RSPO2: variants seen among roughly 807,000 people sequenced by gnomAD.
RSPO2 encodes R-spondin-2.
RSPO2 carries 14 observed loss-of-function variants against 30.9 expected under a neutral mutation model. The observed-to-expected ratio is 0.45, with a 90% CI of 0.30 to 0.71. The LOEUF (loss-of-function observed/expected upper bound fraction) is 0.71, where lower values mean the gene tolerates loss of function less well. RSPO2 is among the 30% of genes least tolerant of loss of function. The pLI is 0.08. For missense variants in RSPO2, 264 were observed against 301.9 expected, an observed-to-expected ratio of 0.87 and a Z score of 0.93; for synonymous variants, 107 against 96.4, an observed-to-expected ratio of 1.11 and a Z score of -0.64.
intron 2 of RSPO2, among the ~76,000 whole-genome samples, chr8:108,028,397 C>T (rs1271957133): frequency 6.6e-6 from 1 of 152,140 alleles, no homozygotes; most frequent in African/African-American, 2.4e-5. Flanking sequence ...TTATTCTCTC[C>T]CTTCTACTGC....
chr8:108,059,268 CCAT>C (rs1812368338), intron 2 of RSPO2, among the ~76,000 whole-genome samples: 1 of 151,760 alleles, frequency 6.6e-6, no homozygotes, highest in African/African-American at 2.4e-5. Flanking sequence ...CCATCACTGG[CCAT>C]CAGAGAAATG....
chr8:108,032,812 TA>T (rs911685348), intron 2 of RSPO2, among the ~76,000 whole-genome samples: 18 of 151,654 alleles, frequency 1.2e-4, no homozygotes, highest in Non-Finnish European at 2.4e-4. Flanking sequence ...AAAAATTTTT[TA>T]CTTTGGGAGG....
Position 107,992,530 on chromosome 8 carries a change from C to T in RSPO2, c.95-3286G>A, listed in dbSNP as rs144351798. Among the ~76,000 whole-genome samples, 63 of 152,138 alleles carry T rather than the reference C, an allele frequency of 4.1e-4. 1 individual carries two copies. The East Asian group carries it at 0.012, about 28-fold the overall frequency. ...GACACAAGTTTACCTATGTAACAAA[C>T]CTGCACTTGTACCCGTGAACTTAAA... On this transcript the variant is annotated intron_variant, in intron 2 of 5. Coordinates refer to ENST00000276659, the MANE Select transcript of RSPO2 (RefSeq NM_178565.5).
At chr8:108,043,659 T>C (rs1007085343) in intron 2 of RSPO2, among the ~76,000 whole-genome samples, 1 of 151,976 alleles carries the variant, frequency 6.6e-6, no homozygotes, top group African/African-American at 2.4e-5. Context: ...ATTCTCTCAT[T>C]CCATGTTTAA....
At chr8:108,064,350 A>C (rs902937740) in intron 2 of RSPO2, among the ~76,000 whole-genome samples, 11 of 152,316 alleles carry the variant, frequency 7.2e-5, no homozygotes, top group African/African-American at 2.6e-4. Flanking sequence ...ACCCCATCCA[A>C]AAGTGGGCAA....
intron 3 of RSPO2, among the ~76,000 whole-genome samples, chr8:107,961,906 G>C (rs1813639527): frequency 6.6e-6 from 1 of 152,180 alleles, no homozygotes; most frequent in South Asian, 2.1e-4. Context: ...TGGTAGGCCA[G>C]AACATCTGGG....
intron 5 of RSPO2, among the ~76,000 whole-genome samples, chr8:107,951,042 A>ATTTTTTT (rs1813223841): frequency 1.8e-5 from 1 of 55,020 alleles, no homozygotes; most frequent in Non-Finnish European, 3.8e-5. Context: ...AGGGAGAATA[A>ATTTTTTT]GTTTTTTTTT....
intron 3 of RSPO2, among the ~76,000 whole-genome samples, chr8:107,967,225 C>CAAATTTTCA (rs1422575032): frequency 1.3e-5 from 2 of 152,074 alleles, no homozygotes; most frequent in African/African-American, 4.8e-5. Context: ...AGACTTTCAG[C>CAAATTTTCA]AAATTTTCAC....
chr8:108,046,779 C>T (rs1183056458), intron 2 of RSPO2, among the ~76,000 whole-genome samples: 2 of 152,160 alleles, frequency 1.3e-5, no homozygotes. Flanking sequence ...TAAATATTCA[C>T]CCTATTAATT....
chr8:108,002,375 A>T (rs911277593), intron 2 of RSPO2, among the ~76,000 whole-genome samples: 6 of 152,246 alleles, frequency 3.9e-5, no homozygotes, highest in African/African-American at 1.2e-4. Context: ...AATACTTCTT[A>T]TACTAACACA....
intron 2 of RSPO2, among the ~76,000 whole-genome samples, chr8:108,049,668 C>G (rs1277586533): frequency 2.6e-5 from 4 of 151,898 alleles, no homozygotes; most frequent in African/African-American, 7.3e-5. Flanking sequence ...GTTTTCTGTT[C>G]CTGTGTTAAT....
At chr8:107,966,485 C>G (rs1813811320) in intron 3 of RSPO2, among the ~76,000 whole-genome samples, 1 of 152,138 alleles carries the variant, frequency 6.6e-6, no homozygotes, top group Non-Finnish European at 1.5e-5. Flanking sequence ...GAAAGTTAAC[C>G]TTCCTGAAAG....
intron 2 of RSPO2, among the ~76,000 whole-genome samples, chr8:108,000,323 C>T (rs936839318): frequency 6.6e-6 from 1 of 152,112 alleles, no homozygotes; most frequent in Non-Finnish European, 1.5e-5. Context: ...AACTTTGGTT[C>T]AATACATTTT....
intron 2 of RSPO2, among the ~76,000 whole-genome samples, chr8:108,018,845 T>G (rs2130606205): frequency 6.6e-6 from 1 of 152,332 alleles, no homozygotes; most frequent in South Asian, 2.1e-4. Context: ...AATTTGGCCT[T>G]TATATTTAAT....
At chr8:107,982,358 T>C (rs1248773167) in intron 3 of RSPO2, among the ~76,000 whole-genome samples, 1 of 152,232 alleles carries the variant, frequency 6.6e-6, no homozygotes, top group African/African-American at 2.4e-5. Context: ...ATCCTTAACC[T>C]TGATTGACAT....
chr8:108,059,356 G>C (rs1382881266), intron 2 of RSPO2, among the ~76,000 whole-genome samples: 1 of 151,668 alleles, frequency 6.6e-6, no homozygotes, highest in Non-Finnish European at 1.5e-5. Context: ...GAAACAACAG[G>C]TGCTGGAGAG....
At chr8:108,017,512 G>T (rs1211616281) in intron 2 of RSPO2, among the ~76,000 whole-genome samples, 1 of 152,130 alleles carries the variant, frequency 6.6e-6, no homozygotes, top group Non-Finnish European at 1.5e-5. Context: ...CAATTCAGTA[G>T]ATAATGCCCC....
intron 2 of RSPO2, among the ~76,000 whole-genome samples, chr8:108,003,299 ATATATATATATATTTTTTTT>A (rs1563559057): frequency 8.6e-4 from 20 of 23,292 alleles, no homozygotes; most frequent in African/African-American, 3.7e-3. Flanking sequence ...ATATATATAT[ATATATATATATATTTTTTTT>A]TTTTTTTTTT....
intron 2 of RSPO2, among the ~76,000 whole-genome samples, chr8:108,003,311 ATTTTTTTTTTTTTTTTTT>A (rs869040336): frequency 3.4e-5 from 1 of 29,032 alleles, no homozygotes; most frequent in African/African-American, 1.3e-4. Context: ...ATATATATAT[ATTTTTTTTTTTTTTTTTT>A]TTTTTTTTAA....
Sources: gnomAD v4.1 joint callset for allele counts (sites outside exome capture counted in the v4.1 genomes callset) on GRCh38, gnomAD v4.1.1 for gene constraint, MANE v1.5 for transcripts, NCBI Gene and HGNC (gene_info 2026-07-23, HGNC 2026-07-21) for gene names.